The following SGMS1 variants were observed in gnomAD, a reference collection of about 807,000 sequenced individuals.
SGMS1 encodes sphingomyelin synthase 1.
Under a neutral mutation model 46.2 loss-of-function variants are expected in SGMS1, and 13 were observed. That is an observed-to-expected ratio of 0.28 (90% confidence interval 0.18 to 0.45). The LOEUF (loss-of-function observed/expected upper bound fraction) is 0.45, where lower values mean the gene tolerates loss of function less well. Among genes scored for constraint, SGMS1 ranks in the 20% least tolerant of loss-of-function variants. SGMS1 has a pLI of 1.00. For missense variants in SGMS1, 324 were observed against 519.9 expected (o/e 0.62, Z 3.66); for synonymous variants, 203 against 187.8 (o/e 1.08, Z -0.66).
At chr10:50,567,047 A>C (rs1322945883) in intron 2 of SGMS1, among the ~76,000 whole-genome samples, 1 of 151,894 alleles carries the variant, frequency 6.6e-6, no homozygotes, top group African/African-American at 2.4e-5. Flanking sequence ...CCAGGGTTCA[A>C]GCAATTCTCC....
intron 6 of SGMS1, among the ~76,000 whole-genome samples, chr10:50,421,240 A>C (rs1849250972): frequency 6.6e-6 from 1 of 152,210 alleles, no homozygotes. Context: ...CCCCGATCTT[A>C]AAAACCCTCT....
chr10:50,483,565 C>T (rs930953276), intron 3 of SGMS1, among the ~76,000 whole-genome samples: 1 of 152,088 alleles, frequency 6.6e-6, no homozygotes, highest in Non-Finnish European at 1.5e-5. Flanking sequence ...ATAGAACTCT[C>T]CTCCCCAAAA....
intron 2 of SGMS1, among the ~76,000 whole-genome samples, chr10:50,537,564 G>A (rs572692584): frequency 4.0e-5 from 6 of 151,802 alleles, no homozygotes; most frequent in African/African-American, 1.2e-4. Context: ...CCATTAACTC[G>A]TCATTTACAT....
intron 3 of SGMS1, among the ~76,000 whole-genome samples, chr10:50,511,274 C>CACACACAA (rs1837752894): frequency 6.6e-6 from 1 of 151,926 alleles, no homozygotes; most frequent in African/African-American, 2.4e-5. Flanking sequence ...CACACACACA[C>CACACACAA]ACACACACAG....
chr10:50,570,682 C>G (rs993897369), intron 2 of SGMS1, among the ~76,000 whole-genome samples: 3 of 152,218 alleles, frequency 2.0e-5, no homozygotes, highest in Non-Finnish European at 4.4e-5. Flanking sequence ...ACTTAACAAT[C>G]TGAGCACTTT....
chr10:50,599,245 C>A (rs1242121118), intron 1 of SGMS1, among the ~76,000 whole-genome samples: 1 of 152,180 alleles, frequency 6.6e-6, no homozygotes, highest in Non-Finnish European at 1.5e-5. Flanking sequence ...CAAAAAAGCT[C>A]CCATCAAAAA....
intron 8 of SGMS1, among the ~76,000 whole-genome samples, chr10:50,318,615 C>A (rs1018469658): frequency 3.9e-5 from 6 of 152,148 alleles, no homozygotes; most frequent in Non-Finnish European, 8.8e-5. Flanking sequence ...ACTCAAGAGA[C>A]TTTTATGTGT....
At chr10:50,491,281 A>C (rs1837565717) in intron 3 of SGMS1, among the ~76,000 whole-genome samples, 1 of 152,232 alleles carries the variant, frequency 6.6e-6, no homozygotes, top group Non-Finnish European at 1.5e-5. Context: ...CGAGCCCCAC[A>C]GATTGAGGCT....
intron 5 of SGMS1, among the ~76,000 whole-genome samples, chr10:50,451,057 T>C (rs1487321597): frequency 6.6e-6 from 1 of 152,110 alleles, no homozygotes; most frequent in East Asian, 1.9e-4. Flanking sequence ...TTTTCCTCCT[T>C]AGAAACTATT....
chr10:50,338,473 A>C (rs1847753555), intron 7 of SGMS1, among the ~76,000 whole-genome samples: 1 of 152,226 alleles, frequency 6.6e-6, no homozygotes, highest in South Asian at 2.1e-4. Context: ...ATTCAAACAA[A>C]GTTGGAGATT....
chr10:50,527,931 C>T (rs1433776335), intron 2 of SGMS1, among the ~76,000 whole-genome samples: 1 of 152,094 alleles, frequency 6.6e-6, no homozygotes, highest in African/African-American at 2.4e-5. Context: ...AATTACTTGA[C>T]CTCTCTCTTC....
chr10:50,380,404 T>C (rs1235919102), intron 6 of SGMS1, among the ~76,000 whole-genome samples: 5 of 150,954 alleles, frequency 3.3e-5, no homozygotes, highest in African/African-American at 4.9e-5. Context: ...AATTCCTCTC[T>C]CCTTTCTAAT....
At chr10:50,368,066 G>GA (rs1439824249) in intron 6 of SGMS1, among the ~76,000 whole-genome samples, 1 of 152,218 alleles carries the variant, frequency 6.6e-6, no homozygotes, top group Non-Finnish European at 1.5e-5. Flanking sequence ...CTATGTAATG[G>GA]AATTGCAAGA....
intron 2 of SGMS1, among the ~76,000 whole-genome samples, chr10:50,521,905 C>T (rs1314188207): frequency 6.6e-6 from 1 of 152,154 alleles, no homozygotes; most frequent in African/African-American, 2.4e-5. Context: ...AAAATTACTA[C>T]TTTTTCCCTT....
intron 5 of SGMS1, among the ~76,000 whole-genome samples, chr10:50,442,604 T>C (rs1231708046): frequency 6.6e-6 from 1 of 152,220 alleles, no homozygotes; most frequent in African/African-American, 2.4e-5. Context: ...GGCATTTAGG[T>C]GGATTCCATG....
At chr10:50,428,594 C>T (rs1366976237) in intron 6 of SGMS1, among the ~76,000 whole-genome samples, 1 of 152,172 alleles carries the variant, frequency 6.6e-6, no homozygotes, top group Non-Finnish European at 1.5e-5. Flanking sequence ...CCCTCCATTT[C>T]TGTGGTACTT....
intron 1 of SGMS1, among the ~76,000 whole-genome samples, chr10:50,595,912 A>T (rs1190329727): frequency 6.6e-6 from 1 of 152,200 alleles, no homozygotes; most frequent in Non-Finnish European, 1.5e-5. Context: ...CTGGCCTCTC[A>T]GGCACAATGT....
intron 3 of SGMS1, among the ~76,000 whole-genome samples, chr10:50,476,991 C>G (rs993219035): frequency 6.6e-6 from 1 of 152,240 alleles, no homozygotes; most frequent in African/African-American, 2.4e-5. Flanking sequence ...GGGTTGGAGC[C>G]CCCACACAGA....
intron 2 of SGMS1, among the ~76,000 whole-genome samples, chr10:50,572,419 C>T (rs558222212): frequency 2.1e-4 from 32 of 152,194 alleles, no homozygotes; most frequent in African/African-American, 7.7e-4. Flanking sequence ...CAATTCCTTG[C>T]CTGTGAAATG....
Sources: gnomAD v4.1 joint callset for allele counts (sites outside exome capture counted in the v4.1 genomes callset) on GRCh38, gnomAD v4.1.1 for gene constraint, MANE v1.5 for transcripts, NCBI Gene and HGNC (gene_info 2026-07-23, HGNC 2026-07-21) for gene names.